SEMA3E: variants seen among roughly 807,000 people sequenced by gnomAD.
The protein encoded by SEMA3E is semaphorin 3E.
In SEMA3E, 49 loss-of-function variants were observed where a neutral mutation model predicts 93.6. That is an observed-to-expected ratio of 0.52 (90% CI 0.42 to 0.66). The LOEUF (loss-of-function observed/expected upper bound fraction) is 0.66. Among genes scored for constraint, SEMA3E ranks in the 30% least tolerant of loss-of-function variants. The pLI is 0.00. For missense variants in SEMA3E, 906 were observed against 964.8 expected (o/e 0.94, Z 0.81); for synonymous variants, 363 against 330.7 (o/e 1.10, Z -1.06).
Position 83,394,438 on chromosome 7 carries a change from G to A in SEMA3E, c.1459-100C>T. The A allele has an allele frequency of 3.1e-6, 3 of 963,680 alleles. No homozygotes were observed. The East Asian group carries it at 7.8e-5, about 25-fold the overall frequency. 59.7% of individuals were successfully genotyped at this position (963,680 alleles called of 1,614,324 possible). On this transcript the variant is annotated intron_variant, in intron 12 of 16. Transcript: ENST00000643230. Reference sequence around the variant, plus strand: ...TGAAATTACATTACTTATATAAGTGGTTATGTGTTAAGTACTGTATAGCTT... The same window carrying A: ...TGAAATTACATTACTTATATAAGTGATTATGTGTTAAGTACTGTATAGCTT...
At chr7:83,525,320 T>A (rs1156229263) in intron 1 of SEMA3E, among the ~76,000 whole-genome samples, 1 of 152,086 alleles carries the variant, frequency 6.6e-6, no homozygotes, top group Non-Finnish European at 1.5e-5. Flanking sequence ...ATTTCTCCAG[T>A]GTTCTAAAAT....
At chr7:83,632,157 A>G (rs78409797) in intron 1 of SEMA3E, among the ~76,000 whole-genome samples, 1 of 146,582 alleles carries the variant, frequency 6.8e-6, no homozygotes, top group South Asian at 2.1e-4. Context: ...CTCCATCTCA[A>G]AAAAAAAAAA....
At chr7:83,569,915 T>C (rs1358015998) in intron 1 of SEMA3E, among the ~76,000 whole-genome samples, 1 of 152,046 alleles carries the variant, frequency 6.6e-6, no homozygotes, top group East Asian at 1.9e-4. Context: ...AACCACAGAG[T>C]ATAAATTATT....
In SEMA3E at chr7:83,631,980, A is replaced by G. The variant is rs368004571; in HGVS notation, c.115+16448T>C. Among the ~76,000 whole-genome samples the G allele has an allele frequency of 7.2e-5, 11 of 152,042 alleles. 1 individual carries two copies. On this transcript the variant is annotated intron_variant, in intron 1 of 16. Transcript: ENST00000643230. ...AGACCAGCCTGAACAACATGGAGAA[A>G]CCCCATCTCTACTAAAAATACAAAA...
rs1562789465 is a variant in SEMA3E, at chr7:83,454,275, ATAT to A, written c.456+12204_456+12206del. Among the ~76,000 whole-genome samples the A allele has an allele frequency of 1.6e-3, 152 of 93,372 alleles. 3 individuals are homozygous for A. Among genetic ancestry groups the A allele is most frequent in the African/African-American group, 3.1e-3 (68 of 21,922 alleles). The allele number at this position is 93,372 out of a possible 152,430, so 61.3% of individuals were successfully genotyped here. A position where few individuals can be genotyped will look rare whatever the true frequency, so the allele number is the denominator to read the frequency against. ...TCCGACTCAAAAAAAAAAAAAAAAT[ATAT>A]ATATATATATATATATATAATGTGT... On this transcript the variant is annotated intron_variant, in intron 4 of 16. Transcript: ENST00000643230.
At chr7:83,620,137 A>T (rs184708688) in intron 1 of SEMA3E, among the ~76,000 whole-genome samples, 264 of 152,034 alleles carry the variant, frequency 1.7e-3, no homozygotes, top group African/African-American at 6.1e-3. Context: ...AGTGATAGGA[A>T]TGAGGGATTT....
chr7:83,546,056 C>G (rs1210902323), intron 1 of SEMA3E, among the ~76,000 whole-genome samples: 2 of 145,528 alleles, frequency 1.4e-5, no homozygotes, highest in Non-Finnish European at 3.0e-5. Flanking sequence ...TATATATGTA[C>G]ACATATTATC....
Position 83,552,198 on chromosome 7 carries a change from A to G in SEMA3E, c.116-61924T>C, listed in dbSNP as rs185607267. 7.3e-4 allele frequency among the ~76,000 whole-genome samples: 111 copies of G among 152,322 alleles called. 1 individual carries two copies. In the Middle Eastern group the frequency reaches 0.01, roughly 14 times the overall value. On this transcript the variant is annotated intron_variant, in intron 1 of 16. Coordinates refer to ENST00000643230, the MANE Select transcript of SEMA3E (RefSeq NM_012431.3). ...TGTTGCAGGAAGTCAGGGACCCTGA[A>G]CAGAGGGACCGGCTGGAGCCACGGC... is the stretch of plus-strand genomic sequence containing the variant.
intron 1 of SEMA3E, among the ~76,000 whole-genome samples, chr7:83,534,607 G>T (rs1050046531): frequency 6.6e-6 from 1 of 152,166 alleles, no homozygotes; most frequent in Admixed American, 6.6e-5. Flanking sequence ...CTGGTCTACA[G>T]GAAGAGTCAG....
At chr7:83,435,154 A>G (rs1788980039) in intron 4 of SEMA3E, among the ~76,000 whole-genome samples, 1 of 152,226 alleles carries the variant, frequency 6.6e-6, no homozygotes, top group Admixed American at 6.5e-5. Context: ...TCTTTTTCTC[A>G]TTGAGGATGC....
intron 1 of SEMA3E, among the ~76,000 whole-genome samples, chr7:83,507,657 C>T (rs1441286696): frequency 6.6e-6 from 1 of 151,710 alleles, no homozygotes; most frequent in African/African-American, 2.4e-5. Context: ...CTGATGCAGG[C>T]CAGGTCGCGG....
chr7:83,546,806 A>G (rs1024701), intron 1 of SEMA3E, among the ~76,000 whole-genome samples: 36,385 of 151,992 alleles, frequency 0.24, 4,370 homozygotes, highest in Middle Eastern at 0.3. Context: ...GTATCTATTT[A>G]GCAATAAAGA....
chr7:83,624,900 T>G (rs561329644), intron 1 of SEMA3E, among the ~76,000 whole-genome samples: 50 of 152,336 alleles, frequency 3.3e-4, no homozygotes, highest in African/African-American at 1.0e-3. Flanking sequence ...CTAATTTTTG[T>G]ATAAGGTAAA....
At chr7:83,542,597 A>G (rs927153254) in intron 1 of SEMA3E, among the ~76,000 whole-genome samples, 11 of 150,166 alleles carry the variant, frequency 7.3e-5, no homozygotes, top group African/African-American at 2.7e-4. Flanking sequence ...AAAATCCATA[A>G]AAAAAAAACT....
chr7:83,616,205 AC>A (rs1793364298), intron 1 of SEMA3E, among the ~76,000 whole-genome samples: 1 of 152,096 alleles, frequency 6.6e-6, no homozygotes, highest in Admixed American at 6.6e-5. Context: ...GTATTACAAA[AC>A]CATTTCAAAC....
chr7:83,566,845 A>G (rs187858678), intron 1 of SEMA3E, among the ~76,000 whole-genome samples: 2 of 152,290 alleles, frequency 1.3e-5, no homozygotes, highest in East Asian at 3.9e-4. Context: ...CCGCAATGAT[A>G]AGAAGAGAGA....
At chr7:83,606,339 A>T (rs1021183340) in intron 1 of SEMA3E, among the ~76,000 whole-genome samples, 16 of 152,304 alleles carry the variant, frequency 1.1e-4, no homozygotes, top group East Asian at 5.8e-4. Context: ...AGATTTTTTT[A>T]AAATCAGATT....
intron 1 of SEMA3E, among the ~76,000 whole-genome samples, chr7:83,621,311 G>C (rs1485504610): frequency 6.6e-6 from 1 of 152,014 alleles, no homozygotes. Flanking sequence ...CTTTTTCAAG[G>C]AGAACTACAA....
chr7:83,602,592 C>T lies in SEMA3E; in HGVS notation c.115+45836G>A, dbSNP rs368494368. On this transcript the variant is annotated intron_variant, in intron 1 of 16. Transcript: ENST00000643230. ...TCCTGGGTTCAAGTGATTCTCCTGCCTCAGCCTCCCAAGTAGCTGGGACTA... is the reference window on the plus strand; with the variant it reads ...TCCTGGGTTCAAGTGATTCTCCTGCTTCAGCCTCCCAAGTAGCTGGGACTA... 1.7e-4 allele frequency among the ~76,000 whole-genome samples: 26 copies of T among 152,154 alleles called. 1 individual carries two copies. The South Asian group carries it at 5.2e-3, about 30-fold the overall frequency.
Sources: allele counts gnomAD v4.1 joint callset (sites outside exome capture counted in the v4.1 genomes callset), GRCh38; gene constraint gnomAD v4.1.1; transcripts MANE v1.5; gene names NCBI Gene and HGNC (gene_info 2026-07-23, HGNC 2026-07-21).